Variants in ARHGEF7 observed in about 807,000 individuals in gnomAD.
The protein encoded by ARHGEF7 is PAK-interacting exchange factor beta.
A neutral mutation model predicts 109.8 loss-of-function variants in ARHGEF7; 33 were observed. That is an observed-to-expected ratio of 0.30 (90% confidence interval 0.23 to 0.40). The LOEUF (loss-of-function observed/expected upper bound fraction) is 0.40, where lower values mean the gene tolerates loss of function less well. Among genes scored for constraint, ARHGEF7 ranks in the 10% least tolerant of loss-of-function variants. ARHGEF7 has a pLI of 1.00. For synonymous variants in ARHGEF7, 458 were observed against 424.6 expected (o/e 1.08, Z -0.97); for missense variants, 938 against 1,098.5 (o/e 0.85, Z 2.07).
chr13:111,229,598 T>C (rs2085740805), intron 5 of ARHGEF7, among the ~76,000 whole-genome samples: 1 of 152,200 alleles, frequency 6.6e-6, no homozygotes, highest in African/African-American at 2.4e-5. Context: ...CTGGTCCCTT[T>C]ATATGCCACA....
rs777697140 is a variant in ARHGEF7, at chr13:111,273,766, GTC to G, written c.1074-43_1074-42del. 27 of 1,607,168 alleles carry G rather than the reference GTC, an allele frequency of 1.7e-5. No individual in the cohort carries two copies. The South Asian group carries it at 2.3e-4, about 14-fold the overall frequency. On this transcript the variant is annotated intron_variant, in intron 9 of 21. Transcript: ENST00000646102. The surrounding 1 kb of genome is among the most constrained non-coding windows in gnomAD (Gnocchi z 4.5). ...TCATGGAGATGAGAGAGCCACCATTGTCTCTCATTGCTAACCACGAGTGTCTC... is the reference window on the plus strand; with the variant it reads ...TCATGGAGATGAGAGAGCCACCATTGTCTCATTGCTAACCACGAGTGTCTC...
chr13:111,285,480 G>A (rs1369691936), intron 16 of ARHGEF7, among the ~76,000 whole-genome samples: 8 of 152,130 alleles, frequency 5.3e-5, no homozygotes, highest in Admixed American at 1.3e-4. Context: ...TGCTCACTTT[G>A]TTTTTTGCCG....
Position 111,180,037 on chromosome 13 carries a change from C to T in ARHGEF7, c.253-25252C>T, listed in dbSNP as rs568583366. On this transcript the variant is annotated intron_variant, in intron 2 of 21. Coordinates refer to ENST00000646102, the MANE Select transcript of ARHGEF7 (RefSeq NM_001354046.2). ...CCAAACGTTTCACTGATGCTTCTAG[C>T]ATCCACTGCCTACGTGCCTGAATTA... 2.0e-5 allele frequency among the ~76,000 whole-genome samples: 3 copies of T among 152,314 alleles called. No homozygotes were observed. In the South Asian group the frequency reaches 6.2e-4, roughly 32 times the overall value.
chr13:111,136,281 C>T (rs1435296035), intron 1 of ARHGEF7, among the ~76,000 whole-genome samples: 1 of 152,110 alleles, frequency 6.6e-6, no homozygotes, highest in Non-Finnish European at 1.5e-5. Context: ...CCCAAATCAA[C>T]AGAATATACA....
chr13:111,160,693 T>C (rs749895975), intron 2 of ARHGEF7, among the ~76,000 whole-genome samples: 4 of 152,106 alleles, frequency 2.6e-5, no homozygotes, highest in African/African-American at 7.2e-5. Flanking sequence ...TCCAGTAGAA[T>C]CCTAGGAGAT....
chr13:111,292,479 G>C (rs1488279981), intron 19 of ARHGEF7, 185 bp downstream of exon 19: 2 of 1,437,398 alleles, frequency 1.4e-6, no homozygotes, highest in Non-Finnish European at 1.8e-6. Context: ...CTTTGTGGAG[G>C]CTTAACTGCC....
rs762823926 is a variant in ARHGEF7 at position 111,244,255 on chromosome 13, T to C, written c.911T>C (p.Phe304Ser). 6.2e-7 allele frequency: 1 copy of C among 1,610,550 alleles called. No individual in the cohort carries two copies. Among genetic ancestry groups the C allele is most frequent in the Non-Finnish European group, 8.5e-7 (1 of 1,178,860 alleles). ...LMGNLEEICS[F>S]QQMLVQSLEE... ...GGAAATCTAGAAGAAATATGTTCTT[T>C]CCAGCAAATGCTCGTACAGTCTTTA... is the stretch of plus-strand genomic sequence containing the variant. The change falls in exon 8 of 22, where the codon TTC becomes TCC. Residue 304 changes from phenylalanine (F) to serine (S), a missense_variant. Physicochemically the swap from Phe to Ser is radical, Grantham distance 155 (BLOSUM62 -2). Transcript: ENST00000646102.
At chr13:111,236,372 G>A (rs1329131022) in intron 6 of ARHGEF7, among the ~76,000 whole-genome samples, 1 of 152,100 alleles carries the variant, frequency 6.6e-6, no homozygotes, top group African/African-American at 2.4e-5. Flanking sequence ...GTGTGCGTGT[G>A]TGTGTGGTCA....
intron 1 of ARHGEF7, among the ~76,000 whole-genome samples, chr13:111,119,044 G>C (rs753311211): frequency 6.6e-6 from 1 of 152,144 alleles, no homozygotes; most frequent in Non-Finnish European, 1.5e-5. Context: ...GCAGGGCCTC[G>C]TGCCCTCAGA....
intron 6 of ARHGEF7, among the ~76,000 whole-genome samples, chr13:111,242,600 A>G (rs916788644): frequency 9.2e-5 from 14 of 152,196 alleles, no homozygotes; most frequent in Admixed American, 8.5e-4. Flanking sequence ...TAGCTCTGTA[A>G]CAGACTCGGG....
rs200372907 is a variant in ARHGEF7, at chr13:111,244,229, G to A, written c.885G>A (p.Met295Ile). 2 of 1,609,126 alleles carry A rather than the reference G, an allele frequency of 1.2e-6. No individual in the cohort carries two copies. Among genetic ancestry groups the A allele is most frequent in the African/African-American group, 2.7e-5 (2 of 74,838 alleles). Residue 295 changes from methionine (M) to isoleucine (I), a missense_variant, in exon 8 of 22, where the codon ATG becomes ATA. This residue lies in a region of ARHGEF7 where 585 missense variants were observed against 723.6 expected (regional missense o/e 0.81). Coordinates refer to ENST00000646102, the MANE Select transcript of ARHGEF7 (RefSeq NM_001354046.2). Reference protein sequence around the residue: ...KLSSANISYLMGNLEEICSFQ... With the variant: ...KLSSANISYLIGNLEEICSFQ... ...GTTCAGCAAACATTTCATATTTAAT[G>A]GGAAATCTAGAAGAAATATGTTCTT...
chr13:111,236,908 T>G (rs2086913136), intron 6 of ARHGEF7, among the ~76,000 whole-genome samples: 1 of 152,128 alleles, frequency 6.6e-6, no homozygotes, highest in Non-Finnish European at 1.5e-5. Context: ...GAGGCTGCAG[T>G]AAGCTATGAT....
chr13:111,253,512 GA>G (rs1379818920), intron 8 of ARHGEF7, among the ~76,000 whole-genome samples: 6 of 152,252 alleles, frequency 3.9e-5, no homozygotes, highest in South Asian at 2.1e-4. Context: ...TTCCCCTAAA[GA>G]AATACTAAAA....
At chr13:111,283,524 C>T in intron 16 of ARHGEF7, 161 bp downstream of exon 16, 2 of 808,202 alleles carry the variant, frequency 2.5e-6, no homozygotes, top group Non-Finnish European at 3.0e-6. Flanking sequence ...ATCTGCTCTG[C>T]TGCTGAGAGG....
At chr13:111,134,852 T>A (rs201988992) in intron 1 of ARHGEF7, among the ~76,000 whole-genome samples, 4 of 152,006 alleles carry the variant, frequency 2.6e-5, no homozygotes, top group East Asian at 1.9e-4. Context: ...GGTGTTTTAG[T>A]CATGAAGTCC....
intron 2 of ARHGEF7, among the ~76,000 whole-genome samples, chr13:111,191,902 A>G (rs1486923031): frequency 6.6e-6 from 1 of 152,216 alleles, no homozygotes; most frequent in Non-Finnish European, 1.5e-5. Context: ...CAGGAGCTGT[A>G]GTATATAGCC....
intron 6 of ARHGEF7, chr13:111,241,291 C>T (rs2087731354): frequency 5.2e-6 from 8 of 1,536,136 alleles, no homozygotes; most frequent in Non-Finnish European, 7.0e-6. Context: ...TCATGGGGTC[C>T]TGCAGCAGCC....
chr13:111,225,679 T>G (rs1485545149), intron 5 of ARHGEF7, among the ~76,000 whole-genome samples: 1 of 152,150 alleles, frequency 6.6e-6, no homozygotes, highest in African/African-American at 2.4e-5. Flanking sequence ...TCAGGGACCT[T>G]TGGTGTTACT....
chr13:111,266,846 G>A lies in ARHGEF7; in HGVS notation c.951-702G>A. 1 of 456,032 alleles carries A rather than the reference G, an allele frequency of 2.2e-6. No individual in the cohort carries two copies. Among genetic ancestry groups the A allele is most frequent in the South Asian group, 1.5e-5 (1 of 64,558 alleles). The allele number at this position is 456,032 out of a possible 1,614,324, so 28.2% of individuals were successfully genotyped here. On this transcript the variant is annotated intron_variant, in intron 8 of 21. Coordinates refer to ENST00000646102, the MANE Select transcript of ARHGEF7 (RefSeq NM_001354046.2). The surrounding 1 kb of genome is among the most constrained non-coding windows in gnomAD (Gnocchi z 4.8). Reference sequence around the variant, plus strand: ...TTTCAGCACACGTGCCCCTGCTCCGGGTTGTTGCTGTTGTCCTTCAGAAAC... The same window carrying A: ...TTTCAGCACACGTGCCCCTGCTCCGAGTTGTTGCTGTTGTCCTTCAGAAAC...
Sources: allele counts gnomAD v4.1 joint callset (sites outside exome capture counted in the v4.1 genomes callset), GRCh38; gene constraint gnomAD v4.1.1; regional missense constraint gnomAD v4.1.1; non-coding constraint Gnocchi (gnomAD v3.1); transcripts MANE v1.5; gene names NCBI Gene and HGNC (gene_info 2026-07-23, HGNC 2026-07-21).